The following LDLRAD3 variants were observed in gnomAD, a reference collection of about 807,000 sequenced individuals.
LDLRAD3 encodes low density lipoprotein receptor class A domain containing 3.
In LDLRAD3, 20 loss-of-function variants were observed where a neutral mutation model predicts 29.4. The ratio of observed to expected loss-of-function variants is 0.68; its 90% CI spans 0.48 to 0.99. LDLRAD3 has a LOEUF of 0.99. Among genes scored for constraint, LDLRAD3 ranks in the 50% least tolerant of loss-of-function variants. The pLI, the probability that LDLRAD3 is intolerant of heterozygous loss-of-function variation, is 0.00. For synonymous variants in LDLRAD3, 157 were observed against 192.7 expected, an observed-to-expected ratio of 0.81 and a Z score of 1.53; for missense variants, 420 against 454.3, an observed-to-expected ratio of 0.92 and a Z score of 0.69.
At chr11:36,074,439 C>A (rs1288583456) in intron 2 of LDLRAD3, among the ~76,000 whole-genome samples, 1 of 152,078 alleles carries the variant, frequency 6.6e-6, no homozygotes, top group Admixed American at 6.6e-5. Context: ...AAAAGACATT[C>A]CAGGCAGTGG....
rs1769876046 is a variant in LDLRAD3 at position 35,944,211 on chromosome 11, C to T, written c.46+67C>T. 5.6e-6 allele frequency: 5 copies of T among 900,258 alleles called. No individual in the cohort carries two copies. Among genetic ancestry groups the T allele is most frequent in the Non-Finnish European group, 5.3e-6 (4 of 751,812 alleles). 55.8% of individuals were successfully genotyped at this position (900,258 alleles called of 1,614,324 possible). On this transcript the variant is annotated intron_variant, in intron 1 of 5. Coordinates refer to ENST00000315571, the MANE Select transcript of LDLRAD3 (RefSeq NM_174902.4). The surrounding 1 kb of genome is among the most constrained non-coding windows in gnomAD (Gnocchi z 4.9). Reference sequence around the variant, plus strand: ...GGCGCGGGGCGCGGGGCGCAGCGGCCGGGTGCGATCGCGTCCTCTCCCGGG... The same window carrying T: ...GGCGCGGGGCGCGGGGCGCAGCGGCTGGGTGCGATCGCGTCCTCTCCCGGG...
chr11:36,021,726 C>T (rs1852098290), intron 1 of LDLRAD3, among the ~76,000 whole-genome samples: 1 of 152,196 alleles, frequency 6.6e-6, no homozygotes, highest in African/African-American at 2.4e-5. Flanking sequence ...ACTGCAACCT[C>T]TGCCTGCCGG....
At chr11:36,136,649 T>G (rs980117665) in intron 4 of LDLRAD3, among the ~76,000 whole-genome samples, 2 of 151,870 alleles carry the variant, frequency 1.3e-5, no homozygotes, top group African/African-American at 4.8e-5. Flanking sequence ...AGTAGATGCC[T>G]GCACCATGCC....
intron 1 of LDLRAD3, among the ~76,000 whole-genome samples, chr11:35,958,815 G>T (rs1346265124): frequency 6.6e-6 from 1 of 152,122 alleles, no homozygotes; most frequent in African/African-American, 2.4e-5. Flanking sequence ...TACCTAGGGG[G>T]TGGAAAAAAG....
At chr11:36,165,729 A>G (rs1854503252) in intron 4 of LDLRAD3, among the ~76,000 whole-genome samples, 1 of 151,178 alleles carries the variant, frequency 6.6e-6, no homozygotes. Context: ...CAAACTTCTC[A>G]CCTCCCCCTC....
intron 4 of LDLRAD3, among the ~76,000 whole-genome samples, chr11:36,165,369 G>C (rs1201746911): frequency 6.7e-6 from 1 of 148,860 alleles, no homozygotes; most frequent in Non-Finnish European, 1.5e-5. Context: ...TTCGTCTTTT[G>C]AATTACTTCC....
intron 2 of LDLRAD3, among the ~76,000 whole-genome samples, chr11:36,074,572 T>C (rs1852963371): frequency 6.6e-6 from 1 of 152,138 alleles, no homozygotes. Flanking sequence ...TGAGAAAGCC[T>C]GGAATTGGAG....
At chr11:36,016,842 C>A (rs1168409258) in intron 1 of LDLRAD3, among the ~76,000 whole-genome samples, 2 of 152,178 alleles carry the variant, frequency 1.3e-5, no homozygotes, top group Non-Finnish European at 2.9e-5. Context: ...GCTATTCTTC[C>A]GTGTCAGTAC....
intron 2 of LDLRAD3, among the ~76,000 whole-genome samples, chr11:36,058,734 T>G (rs1852657369): frequency 5.3e-5 from 8 of 152,208 alleles, no homozygotes; most frequent in Admixed American, 4.6e-4. Flanking sequence ...CTCATAGTCA[T>G]TTGGCAATGT....
At chr11:36,211,692 A>G (rs1855285478) in intron 4 of LDLRAD3, among the ~76,000 whole-genome samples, 2 of 152,194 alleles carry the variant, frequency 1.3e-5, no homozygotes, top group Non-Finnish European at 2.9e-5. Flanking sequence ...TGTAATTGCT[A>G]TTTAATGATG....
intron 2 of LDLRAD3, among the ~76,000 whole-genome samples, chr11:36,075,029 T>C (rs1041028858): frequency 5.3e-5 from 8 of 152,170 alleles, no homozygotes; most frequent in Admixed American, 3.9e-4. Flanking sequence ...CTGTTAATGG[T>C]GGCTCACTGT....
At chr11:36,142,536 G>C (rs1355653846) in intron 4 of LDLRAD3, among the ~76,000 whole-genome samples, 1 of 152,138 alleles carries the variant, frequency 6.6e-6, no homozygotes, top group Non-Finnish European at 1.5e-5. Flanking sequence ...AGTGGAAGAG[G>C]ATTCGGTTAC....
chr11:35,997,040 T>A (rs939794831), intron 1 of LDLRAD3, among the ~76,000 whole-genome samples: 2 of 152,202 alleles, frequency 1.3e-5, no homozygotes, highest in Admixed American at 6.5e-5. Flanking sequence ...CATGGAATGA[T>A]GGATGGCTGA....
intron 1 of LDLRAD3, chr11:35,997,511 T>C (rs1851770164): frequency 5.4e-6 from 2 of 371,850 alleles, no homozygotes; most frequent in South Asian, 5.0e-5. Flanking sequence ...CTATAATCCT[T>C]AGACCCTTCC....
chr11:36,084,653 AAAG>A (rs1186536247), intron 3 of LDLRAD3, among the ~76,000 whole-genome samples: 1 of 152,236 alleles, frequency 6.6e-6, no homozygotes, highest in Admixed American at 6.5e-5. Flanking sequence ...ATAGAAGAAT[AAAG>A]AAATTAGAGT....
At chr11:35,976,410 G>A (rs1851476304) in intron 1 of LDLRAD3, among the ~76,000 whole-genome samples, 1 of 152,106 alleles carries the variant, frequency 6.6e-6, no homozygotes, top group South Asian at 2.1e-4. Flanking sequence ...TGTTGGAGCT[G>A]GAAAGTTTCT....
chr11:36,159,602 T>TAAA (rs66512652), intron 4 of LDLRAD3, among the ~76,000 whole-genome samples: 3,386 of 58,314 alleles, frequency 0.058, 246 homozygotes, highest in Non-Finnish European at 0.07. Context: ...TTACAGAAAC[T>TAAA]AAAAAAAAAA....
intron 1 of LDLRAD3, among the ~76,000 whole-genome samples, chr11:35,991,299 C>G (rs114610134): frequency 1.1e-3 from 173 of 152,302 alleles, no homozygotes; most frequent in African/African-American, 4.1e-3. Flanking sequence ...AAACTGCACA[C>G]AAATGGTTAC....
At chr11:36,215,376 G>A (rs969412680) in intron 4 of LDLRAD3, among the ~76,000 whole-genome samples, 5 of 152,184 alleles carry the variant, frequency 3.3e-5, no homozygotes, top group Non-Finnish European at 7.3e-5. Context: ...TTTTTAGAAG[G>A]AGCACCCTGC....
Sources: allele counts gnomAD v4.1 joint callset (sites outside exome capture counted in the v4.1 genomes callset), GRCh38; gene constraint gnomAD v4.1.1; non-coding constraint Gnocchi (gnomAD v3.1); transcripts MANE v1.5; gene names NCBI Gene and HGNC (gene_info 2026-07-23, HGNC 2026-07-21).